Variants in SGCD observed in about 807,000 individuals in gnomAD.
SGCD encodes the protein delta-sarcoglycan.
SGCD carries 18 observed loss-of-function variants against 36.6 expected under a neutral mutation model. The observed-to-expected ratio is 0.49, with a 90% CI of 0.34 to 0.73. The LOEUF is 0.73. Among genes scored for constraint, SGCD ranks in the 30% least tolerant of loss-of-function variants. The pLI, the probability that SGCD is intolerant of heterozygous loss-of-function variation, is 0.01. For missense variants in SGCD, 387 were observed against 346.7 expected (o/e 1.12, Z -0.92); for synonymous variants, 133 against 130.6 (o/e 1.02, Z -0.12).
chr5:156,515,349 A>T (rs1208642534), intron 4 of SGCD, among the ~76,000 whole-genome samples: 1 of 152,246 alleles, frequency 6.6e-6, no homozygotes, highest in African/African-American at 2.4e-5. Flanking sequence ...AGATTAAAAC[A>T]CACATGGAGG....
chr5:156,146,369 A>G (rs1375162656), intron 3 of SGCD, among the ~76,000 whole-genome samples: 2 of 152,248 alleles, frequency 1.3e-5, no homozygotes, highest in African/African-American at 4.8e-5. Flanking sequence ...GAATTAACCT[A>G]TAAAGAAAAC....
At chr5:155,839,064 G>T in the SGCD span, among the ~76,000 whole-genome samples, 1 of 151,586 alleles carries the variant, frequency 6.6e-6, no homozygotes, top group Admixed American at 6.6e-5. Flanking sequence ...AGGAGCAAAT[G>T]GTTACATTCT....
the SGCD span, among the ~76,000 whole-genome samples, chr5:155,790,551 A>C: frequency 6.6e-6 from 1 of 152,074 alleles, no homozygotes; most frequent in Non-Finnish European, 1.5e-5. Context: ...TATTTTAGTA[A>C]AAATATCAGT....
chr5:156,482,556 GC>G (rs575470119), intron 3 of SGCD, among the ~76,000 whole-genome samples: 1 of 152,038 alleles, frequency 6.6e-6, no homozygotes, highest in Non-Finnish European at 1.5e-5. Flanking sequence ...TGCTAACTAG[GC>G]TTTGATAGAT....
chr5:155,872,864 A>T (rs1755683414), intron 1 of SGCD, among the ~76,000 whole-genome samples: 1 of 152,182 alleles, frequency 6.6e-6, no homozygotes, highest in Non-Finnish European at 1.5e-5. Flanking sequence ...ATTCGTTGTT[A>T]GTTGAAGTGT....
In SGCD at chr5:156,056,645, T is replaced by TAAAAAAAAAAAAAAAAAAAAAAAAAAAAA. The variant is rs561328077; in HGVS notation, c.-281-61213_-281-61212insAAAAAAAAAAAAAAAAAAAAAAAAAAAAA. ...GGTCCCCTACCTGCCAAATTATCCTTAAAAAAAAAAAAAAAAAAAACAGTC... is the reference window on the plus strand; with the variant it reads ...GGTCCCCTACCTGCCAAATTATCCTTAAAAAAAAAAAAAAAAAAAAAAAAAAAAAAAAAAAAAAAAAAAAAAAAACAGTC... On this transcript the variant is annotated intron_variant, in intron 1 of 9. Transcript: ENST00000517913. Among the ~76,000 whole-genome samples, 17 of 68,270 alleles carry TAAAAAAAAAAAAAAAAAAAAAAAAAAAAA rather than the reference T, an allele frequency of 2.5e-4. 1 individual carries two copies. In the East Asian group the frequency reaches 4.5e-3, roughly 18 times the overall value. 44.8% of individuals were successfully genotyped at this position (68,270 alleles called of 152,430 possible).
chr5:156,548,118 A>G (rs1353958213), intron 4 of SGCD, among the ~76,000 whole-genome samples: 1 of 152,202 alleles, frequency 6.6e-6, no homozygotes, highest in South Asian at 2.1e-4. Flanking sequence ...CTGAGTCACT[A>G]AAGAGTGAGA....
At chr5:156,593,681 T>C (rs1490399600) in intron 5 of SGCD, among the ~76,000 whole-genome samples, 2 of 152,182 alleles carry the variant, frequency 1.3e-5, no homozygotes, top group Non-Finnish European at 2.9e-5. Flanking sequence ...TCATGACTTC[T>C]TTCTGAGATG....
At chr5:156,105,315 C>T (rs1310896078) in intron 1 of SGCD, among the ~76,000 whole-genome samples, 4 of 152,124 alleles carry the variant, frequency 2.6e-5, no homozygotes, top group Non-Finnish European at 5.9e-5. Context: ...CACAAGTAAC[C>T]TGCTGATAAT....
intron 3 of SGCD, among the ~76,000 whole-genome samples, chr5:156,162,088 A>G (rs534594178): frequency 6.7e-6 from 1 of 148,894 alleles, no homozygotes; most frequent in South Asian, 2.2e-4. Context: ...TTTACCTGCT[A>G]ATGAGTTTGT....
intron 7 of SGCD, among the ~76,000 whole-genome samples, chr5:156,746,577 C>A (rs1192069113): frequency 6.6e-6 from 1 of 152,170 alleles, no homozygotes; most frequent in Admixed American, 6.6e-5. Flanking sequence ...TAGATCCACA[C>A]ATATATGCTT....
intron 6 of SGCD, among the ~76,000 whole-genome samples, chr5:156,630,845 C>T (rs1485504851): frequency 1.3e-5 from 2 of 152,222 alleles, no homozygotes; most frequent in East Asian, 1.9e-4. Context: ...TCTTAGGGCA[C>T]ATTGTGGGAC....
chr5:155,746,535 G>T, the SGCD span, among the ~76,000 whole-genome samples: 1 of 152,194 alleles, frequency 6.6e-6, no homozygotes. Context: ...CAATAGCCTT[G>T]AGAGTTCTGT....
chr5:156,366,481 T>C (rs1301987812), intron 3 of SGCD, among the ~76,000 whole-genome samples: 1 of 152,152 alleles, frequency 6.6e-6, no homozygotes, highest in Non-Finnish European at 1.5e-5. Context: ...AAACCCACTT[T>C]GGAATCAGCA....
At chr5:155,751,708 T>A in the SGCD span, among the ~76,000 whole-genome samples, 1 of 150,952 alleles carries the variant, frequency 6.6e-6, no homozygotes. Context: ...AGGTGTTTTT[T>A]TTTATAAAAA....
intron 3 of SGCD, among the ~76,000 whole-genome samples, chr5:156,436,442 G>A (rs938546685): frequency 2.6e-5 from 4 of 152,156 alleles, no homozygotes; most frequent in Non-Finnish European, 5.9e-5. Context: ...CTTTCCCAAG[G>A]AATTTGACTC....
chr5:156,539,235 C>T lies in SGCD; in HGVS notation c.294+30533C>T, dbSNP rs1018131795. Among the ~76,000 whole-genome samples, 6 of 152,080 alleles carry T rather than the reference C, an allele frequency of 3.9e-5. No homozygotes were observed. In the South Asian group the frequency reaches 1.0e-3, roughly 26 times the overall value. ...GTTGCAACTCTGATACACACACACA[C>T]ATACACACAAAATTTTATATATATA... On this transcript the variant is annotated intron_variant, in intron 4 of 8. Transcript: ENST00000337851.
intron 1 of SGCD, among the ~76,000 whole-genome samples, chr5:155,903,855 AC>A (rs1370136530): frequency 1.3e-5 from 2 of 152,166 alleles, no homozygotes; most frequent in Non-Finnish European, 2.9e-5. Context: ...AGAGAAAACA[AC>A]TTTCAACTTA....
the SGCD span, among the ~76,000 whole-genome samples, chr5:155,792,379 C>A: frequency 1.0e-5 from 1 of 100,280 alleles, no homozygotes. Flanking sequence ...GCAATGAAAA[C>A]AAAACCAAAA....
Sources: allele counts gnomAD v4.1 joint callset (sites outside exome capture counted in the v4.1 genomes callset), GRCh38; gene constraint gnomAD v4.1.1; transcripts MANE v1.5; gene names NCBI Gene and HGNC (gene_info 2026-07-23, HGNC 2026-07-21).